The following TENM2 variants were observed in gnomAD, a reference collection of about 807,000 sequenced individuals.
TENM2 encodes teneurin-2.
In TENM2, 52 loss-of-function variants were observed where a neutral mutation model predicts 245.2. That is an observed-to-expected ratio of 0.21 (90% CI 0.17 to 0.27). The LOEUF (loss-of-function observed/expected upper bound fraction) is 0.27, where lower values mean the gene tolerates loss of function less well. Ranked by LOEUF, TENM2 falls within the 10% of genes least tolerant of loss-of-function variation. The pLI is 1.00. For missense variants in TENM2, 3,046 were observed against 3,666.8 expected (o/e 0.83, Z 4.37); for synonymous variants, 1,363 against 1,438.9 (o/e 0.95, Z 1.19).
chr5:166,987,447 G>C, the TENM2 span, among the ~76,000 whole-genome samples: 2 of 151,762 alleles, frequency 1.3e-5, no homozygotes, highest in South Asian at 4.2e-4. Flanking sequence ...GTGTGTGTGT[G>C]TGTGTTTAGA....
At chr5:167,763,544 GA>G (rs34270815) in intron 2 of TENM2, among the ~76,000 whole-genome samples, 1 of 151,888 alleles carries the variant, frequency 6.6e-6, no homozygotes, top group Non-Finnish European at 1.5e-5. Context: ...TCAAAGAAAA[GA>G]AAAAAAGATG....
intron 2 of TENM2, among the ~76,000 whole-genome samples, chr5:167,555,704 A>T (rs1773220987): frequency 1.3e-5 from 2 of 152,102 alleles, no homozygotes; most frequent in Non-Finnish European, 2.9e-5. Flanking sequence ...ACTAAGAAGA[A>T]TAAATCCCTC....
intron 2 of TENM2, among the ~76,000 whole-genome samples, chr5:167,481,166 C>T (rs1052782834): frequency 1.3e-5 from 2 of 152,118 alleles, no homozygotes; most frequent in Non-Finnish European, 2.9e-5. Context: ...TATATAATTA[C>T]ATCCAGGGCT....
intron 2 of TENM2, among the ~76,000 whole-genome samples, chr5:167,723,036 ATGTC>A (rs1445284014): frequency 6.6e-6 from 1 of 152,182 alleles, no homozygotes; most frequent in Admixed American, 6.5e-5. Flanking sequence ...TATAACCACT[ATGTC>A]TGTCATTAAA....
rs111692048 is a variant in TENM2 at position 167,467,243 on chromosome 5, T to C, written c.502+91770T>C. ...TCACAAGATCTGATGGTTTTATAAG[T>C]GTTTGACAGTTCCACCCTCACATGC... On this transcript the variant is annotated intron_variant, in intron 2 of 28. Coordinates refer to ENST00000518659, the Ensembl canonical transcript of TENM2. Among the ~76,000 whole-genome samples, 1,018 of 152,098 alleles carry C rather than the reference T, an allele frequency of 6.7e-3. 10 individuals carry two copies. The highest frequency in any genetic ancestry group is 0.023 in the African/African-American group (954 of 41,484).
At chr5:167,978,201 G>A (rs144595827) in intron 4 of TENM2, among the ~76,000 whole-genome samples, 1 of 152,150 alleles carries the variant, frequency 6.6e-6, no homozygotes, top group Admixed American at 6.5e-5. Flanking sequence ...CCCAGTCTCA[G>A]GGTCTCCTTA....
intron 2 of TENM2, among the ~76,000 whole-genome samples, chr5:167,424,062 T>A (rs2127428927): frequency 1.3e-5 from 2 of 152,356 alleles, no homozygotes; most frequent in East Asian, 3.9e-4. Flanking sequence ...TCTCTGCCTC[T>A]GTCCCGGCAG....
chr5:168,062,495 C>T (rs1299787493), intron 7 of TENM2, among the ~76,000 whole-genome samples: 1 of 152,100 alleles, frequency 6.6e-6, no homozygotes, highest in African/African-American at 2.4e-5. Flanking sequence ...TAAATGTAGA[C>T]TTACCATGTG....
intron 5 of TENM2, among the ~76,000 whole-genome samples, chr5:167,996,941 G>A (rs1784095896): frequency 6.6e-6 from 1 of 152,026 alleles, no homozygotes; most frequent in Non-Finnish European, 1.5e-5. Context: ...GTTTTGCCAT[G>A]TTGGCCAGGC....
At position 167,635,631 on chromosome 5, in the gene TENM2, G is replaced by GTTTT. The variant is rs1561623173; in HGVS notation, c.503-240354_503-240353insTTTT. 3.3e-5 allele frequency among the ~76,000 whole-genome samples: 3 copies of GTTTT among 90,976 alleles called. No homozygotes were observed. The East Asian group carries it at 1.8e-3, about 55-fold the overall frequency. The allele number at this position is 90,976 out of a possible 152,430, so 59.7% of individuals were successfully genotyped here. On this transcript the variant is annotated intron_variant, in intron 2 of 28. Transcript: ENST00000518659. ...AAGGAATCTGGCTATGATCAGTACA[G>GTTTT]TCTTTTTTTTTTTTTTTTTTTTTTT...
At chr5:167,869,237 G>A (rs764850924) in intron 2 of TENM2, among the ~76,000 whole-genome samples, 12 of 152,176 alleles carry the variant, frequency 7.9e-5, no homozygotes, top group Admixed American at 2.0e-4. Flanking sequence ...AGACAATTAC[G>A]TATTACATCT....
the TENM2 span, among the ~76,000 whole-genome samples, chr5:167,236,829 C>T: frequency 1.3e-5 from 2 of 151,562 alleles, no homozygotes; most frequent in East Asian, 3.9e-4. Flanking sequence ...TTTTCCATAC[C>T]ACTGGCTGGC....
chr5:167,078,425 G>C, the TENM2 span, among the ~76,000 whole-genome samples: 1 of 152,142 alleles, frequency 6.6e-6, no homozygotes, highest in South Asian at 2.1e-4. Context: ...GGAGGTTGCA[G>C]TGAGCAGAGA....
At chr5:167,116,844 A>G in the TENM2 span, among the ~76,000 whole-genome samples, 2 of 152,240 alleles carry the variant, frequency 1.3e-5, no homozygotes, top group Non-Finnish European at 2.9e-5. Context: ...TAATTTCACA[A>G]CATGTGTCTG....
chr5:167,972,040 C>A (rs1399104231), intron 4 of TENM2, among the ~76,000 whole-genome samples: 1 of 152,204 alleles, frequency 6.6e-6, no homozygotes, highest in East Asian at 1.9e-4. Context: ...ATATTTATCT[C>A]CATTTCCTTC....
At chr5:167,069,662 A>G in the TENM2 span, among the ~76,000 whole-genome samples, 4 of 152,228 alleles carry the variant, frequency 2.6e-5, no homozygotes, top group South Asian at 2.1e-4. Flanking sequence ...ATTTATTTAT[A>G]GAGAGATGTC....
At position 168,225,374 on chromosome 5, in the gene TENM2, GAA is replaced by G. The variant is rs1764069026; in HGVS notation, c.5109-711_5109-710del. The stretch of plus-strand genomic sequence containing the variant: ...TTTTATTTGATTTAGCAACCAATGG[GAA>G]AAGAGTGTGGTTTGTTCAGCAGGGA... On this transcript the variant is annotated intron_variant, in intron 23 of 28. Transcript: ENST00000518659. Among the ~76,000 whole-genome samples, 5 of 152,324 alleles carry G rather than the reference GAA, an allele frequency of 3.3e-5. No individual in the cohort carries two copies. The South Asian group carries it at 1.0e-3, about 32-fold the overall frequency.
chr5:167,507,551 A>C (rs532641426), intron 2 of TENM2, among the ~76,000 whole-genome samples: 2 of 152,314 alleles, frequency 1.3e-5, no homozygotes, highest in Non-Finnish European at 2.9e-5. Context: ...CTTCAATTCG[A>C]GATGAATGTA....
the TENM2 span, among the ~76,000 whole-genome samples, chr5:167,248,189 A>C: frequency 6.6e-6 from 1 of 152,074 alleles, no homozygotes; most frequent in African/African-American, 2.4e-5. Flanking sequence ...TTGCTGTAAG[A>C]GTTCTTTTTT....
Sources: allele counts gnomAD v4.1 joint callset (sites outside exome capture counted in the v4.1 genomes callset), GRCh38; gene constraint gnomAD v4.1.1; transcripts MANE v1.5; gene names NCBI Gene and HGNC (gene_info 2026-07-23, HGNC 2026-07-21).